The following UQCRB variants were observed in gnomAD, a reference collection of about 807,000 sequenced individuals.
UQCRB encodes the protein ubiquinol-cytochrome c reductase binding protein, also known as cytochrome b-c1 complex subunit 7.
UQCRB carries 12 observed loss-of-function variants against 19.8 expected under a neutral mutation model. The observed-to-expected ratio is 0.61, with a 90% CI of 0.39 to 0.98. UQCRB has a LOEUF of 0.98. Ranked by LOEUF, UQCRB falls within the 50% of genes least tolerant of loss-of-function variation. The pLI, the probability that UQCRB is intolerant of heterozygous loss-of-function variation, is 0.00. For synonymous variants in UQCRB, 39 were observed against 42.9 expected (o/e 0.91, Z 0.35); for missense variants, 142 against 131.8 (o/e 1.08, Z -0.38).
Position 96,228,786 on chromosome 8 carries a change from A to G in UQCRB, c.*2269T>C, listed in dbSNP as rs559792281. On this transcript the variant is annotated 3_prime_UTR_variant, in exon 4 of 4. Coordinates refer to ENST00000287022, the MANE Select transcript of UQCRB (RefSeq NM_006294.5). The stretch of plus-strand genomic sequence containing the variant: ...TGAGCAAATAGATTCAGACCTGTGC[A>G]GTCTAACCCAGAATTAGCTCTGAAT... 2 of 454,012 alleles carry G rather than the reference A, an allele frequency of 4.4e-6. No homozygotes were observed. The highest frequency in any genetic ancestry group is 2.0e-5 in the African/African-American group (1 of 50,006). The allele number at this position is 454,012 out of a possible 1,614,324, so 28.1% of individuals were successfully genotyped here.
rs1312999617 is a variant in UQCRB at position 96,227,944 on chromosome 8, A to G, written c.*3111T>C. 12 of 454,018 alleles carry G rather than the reference A, an allele frequency of 2.6e-5. No individual in the cohort carries two copies. The highest frequency in any genetic ancestry group is 4.9e-5 in the Non-Finnish European group (11 of 226,800). 28.1% of individuals were successfully genotyped at this position (454,018 alleles called of 1,614,324 possible). A position where few individuals can be genotyped will look rare whatever the true frequency, so the allele number is the denominator to read the frequency against. On this transcript the variant is annotated 3_prime_UTR_variant, in exon 4 of 4. Transcript: ENST00000287022. ...GGTACCACTCGTAGAGCGTCACATA[A>G]ATATTCAGACCATGATAACTCAGTG...
At chr8:96,235,100 T>C (rs1809776192) in intron 1 of UQCRB, 2 of 298,008 alleles carry the variant, frequency 6.7e-6, no homozygotes, top group South Asian at 3.5e-5. Flanking sequence ...CTCGTCGCAA[T>C]GGCAAGAAAA....
rs2129783897 is a variant in UQCRB, at chr8:96,228,374, C to T, written c.*2681G>A. 1 of 454,112 alleles carries T rather than the reference C, an allele frequency of 2.2e-6. No individual in the cohort carries two copies. Among genetic ancestry groups the T allele is most frequent in the Non-Finnish European group, 4.4e-6 (1 of 226,782 alleles). 28.1% of individuals were successfully genotyped at this position (454,112 alleles called of 1,614,324 possible). A position where few individuals can be genotyped will look rare whatever the true frequency, so the allele number is the denominator to read the frequency against. On this transcript the variant is annotated 3_prime_UTR_variant, in exon 4 of 4. Transcript: ENST00000287022. Reference sequence around the variant, plus strand: ...AAACAGGGAGATAGCCAAGTCTTAGCTCCATCCTAATCAAAGCTGTCATGC... The same window carrying T: ...AAACAGGGAGATAGCCAAGTCTTAGTTCCATCCTAATCAAAGCTGTCATGC...
chr8:96,233,836 T>C (rs1220151336), intron 1 of UQCRB: 4 of 152,816 alleles, frequency 2.6e-5, no homozygotes, highest in Non-Finnish European at 5.8e-5. Context: ...TTTGATACCA[T>C]TAGTCATTTA....
chr8:96,235,425 C>T (rs1205251479), intron 1 of UQCRB, 87 bp downstream of exon 1: 9 of 1,594,652 alleles, frequency 5.6e-6, no homozygotes, highest in Non-Finnish European at 7.7e-6. Context: ...TGGCCACTTA[C>T]AAAGAAGAGA....
At position 96,229,072 on chromosome 8, in the gene UQCRB, C is replaced by T. The variant is rs1426549191; in HGVS notation, c.*1983G>A. The stretch of plus-strand genomic sequence containing the variant: ...TCTTCATAACAAGCAGGACGATAAC[C>T]ATAATTTATAATGAACACAAAACAT... On this transcript the variant is annotated 3_prime_UTR_variant, in exon 4 of 4. Coordinates refer to ENST00000287022, the MANE Select transcript of UQCRB (RefSeq NM_006294.5). The T allele has an allele frequency of 6.6e-6, 3 of 453,960 alleles. No individual in the cohort carries two copies. Among genetic ancestry groups the T allele is most frequent in the Non-Finnish European group, 1.3e-5 (3 of 226,762 alleles). 28.1% of individuals were successfully genotyped at this position (453,960 alleles called of 1,614,324 possible). A position where few individuals can be genotyped will look rare whatever the true frequency, so the allele number is the denominator to read the frequency against.
At position 96,226,896 on chromosome 8, in the gene UQCRB, A is replaced by T. The variant is rs1376681680; in HGVS notation, c.*4159T>A. On this transcript the variant is annotated 3_prime_UTR_variant, in exon 4 of 4. Coordinates refer to ENST00000287022, the MANE Select transcript of UQCRB (RefSeq NM_006294.5). ...CTATGCTAAAAATTAACCACCGTATAATGATTCAGTTCTTCTTTCTTGCTC... is the reference window on the plus strand; with the variant it reads ...CTATGCTAAAAATTAACCACCGTATTATGATTCAGTTCTTCTTTCTTGCTC... 3 of 453,902 alleles carry T rather than the reference A, an allele frequency of 6.6e-6. No individual in the cohort carries two copies. The highest frequency in any genetic ancestry group is 6.9e-4 in the Middle Eastern group (1 of 1,444). 28.1% of individuals were successfully genotyped at this position (453,902 alleles called of 1,614,324 possible).
In UQCRB at chr8:96,231,129, T is replaced by C. The variant is rs1366555836; in HGVS notation, c.262A>G (p.Asn88Asp). 6.2e-7 allele frequency: 1 copy of C among 1,614,118 alleles called. No individual in the cohort carries two copies. The highest frequency in any genetic ancestry group is 1.7e-5 in the Admixed American group (1 of 60,026). ...KEQWTKYEEE[N>D]FYLEPYLKEV... is the part of the protein sequence containing the mutation. ...TTCAGATACGGTTCAAGGTAGAAAT[T>C]TTCCTAAAGAATGAATGAAATATTA... Residue 88 changes from asparagine (N) to aspartate (D), a missense_variant, in exon 4 of 4, where the codon AAT becomes GAT. Asn to Asp is a conservative substitution (Grantham distance 23). Transcript: ENST00000287022.
intron 1 of UQCRB, 34 bp downstream of exon 1, chr8:96,235,478 A>G (rs1809789564): frequency 6.2e-7 from 1 of 1,614,232 alleles, no homozygotes; most frequent in Non-Finnish European, 8.5e-7. Context: ...GTGAAGCGCG[A>G]CGATGCCGGC....
chr8:96,233,088 GAAAAACAAAAAA>G, intron 2 of UQCRB, 56 bp downstream of exon 2: 1 of 1,512,764 alleles, frequency 6.6e-7, no homozygotes. Flanking sequence ...AATACTCTCA[GAAAAACAAAAAA>G]AAAAACAAAG....
At position 96,224,810 on chromosome 8, in the gene UQCRB, G is replaced by A. The variant is rs1378802255; in HGVS notation, c.*6245C>T. Among the ~76,000 whole-genome samples the A allele has an allele frequency of 7.2e-5, 11 of 152,140 alleles. No homozygotes were observed. Among genetic ancestry groups the A allele is most frequent in the African/African-American group, 2.7e-4 (11 of 41,422 alleles). On this transcript the variant is annotated 3_prime_UTR_variant, in exon 4 of 4. Coordinates refer to ENST00000287022, the MANE Select transcript of UQCRB (RefSeq NM_006294.5). ...AAAAGTACTGGATGAAACCTTGCTG[G>A]ATATTTATGAAAACTTGGAGTAAAG...
chr8:96,235,490 A>G, intron 1 of UQCRB, 22 bp downstream of exon 1: 1 of 1,614,228 alleles, frequency 6.2e-7, no homozygotes, highest in Non-Finnish European at 8.5e-7. Flanking sequence ...GATGCCGGCC[A>G]AGAAGACCCC....
rs1488440222 is a variant in UQCRB, at chr8:96,223,778, G to A, written c.*7277C>T. ...AAAACAGGAGGAAAGAGAACACAAT[G>A]TTTTCAGAATGGACAAACCTTCTGT... is the stretch of plus-strand genomic sequence containing the variant. On this transcript the variant is annotated 3_prime_UTR_variant, in exon 4 of 4. Transcript: ENST00000287022. 2.0e-5 allele frequency among the ~76,000 whole-genome samples: 3 copies of A among 152,180 alleles called. No individual in the cohort carries two copies. Among genetic ancestry groups the A allele is most frequent in the African/African-American group, 7.2e-5 (3 of 41,444 alleles).
In UQCRB at chr8:96,227,896, A is replaced by G. The variant is rs1430149966; in HGVS notation, c.*3159T>C. Reference sequence around the variant, plus strand: ...AAAAACAGGAAAAGGTGCCATTAGTAAAAACTCCATCACTAACATTTTGGT... The same window carrying G: ...AAAAACAGGAAAAGGTGCCATTAGTGAAAACTCCATCACTAACATTTTGGT... On this transcript the variant is annotated 3_prime_UTR_variant, in exon 4 of 4. Transcript: ENST00000287022. 2.2e-6 allele frequency: 1 copy of G among 454,164 alleles called. No individual in the cohort carries two copies. 28.1% of individuals were successfully genotyped at this position (454,164 alleles called of 1,614,324 possible).
rs1016069346 is a variant in UQCRB at position 96,227,685 on chromosome 8, A to G, written c.*3370T>C. 1 of 453,426 alleles carries G rather than the reference A, an allele frequency of 2.2e-6. No individual in the cohort carries two copies. The allele number at this position is 453,426 out of a possible 1,614,324, so 28.1% of individuals were successfully genotyped here. ...CACACAGGATGCCCATATTTTTAAA[A>G]CTCCATCCTATTTGTGAAGGATTAT... is the stretch of plus-strand genomic sequence containing the variant. On this transcript the variant is annotated 3_prime_UTR_variant, in exon 4 of 4. Transcript: ENST00000287022.
intron 2 of UQCRB, 109 bp downstream of exon 2, chr8:96,233,046 GT>G: frequency 1.0e-5 from 10 of 981,884 alleles, no homozygotes; most frequent in South Asian, 1.4e-5. Flanking sequence ...AACTGAAATG[GT>G]TTTTGGAACC....
At chr8:96,232,458 T>C (rs768333970) in intron 2 of UQCRB, 2 of 156,088 alleles carry the variant, frequency 1.3e-5, no homozygotes, top group Non-Finnish European at 2.8e-5. Flanking sequence ...TAAAAAAGCT[T>C]AGGAATCATA....
In UQCRB at chr8:96,234,519, G is replaced by C. The variant is rs1267216530; in HGVS notation, c.19+993C>G. ...GCACAGAAGCAGTGTCTTGAATTTA[G>C]TAAGACTCCTTCAATATCTGCCAAA... On this transcript the variant is annotated intron_variant, in intron 1 of 3. Coordinates refer to ENST00000287022, the MANE Select transcript of UQCRB (RefSeq NM_006294.5). 9.3e-6 allele frequency: 12 copies of C among 1,287,676 alleles called. No individual in the cohort carries two copies. In the East Asian group the frequency reaches 6.7e-4, roughly 71 times the overall value. 79.8% of individuals were successfully genotyped at this position (1,287,676 alleles called of 1,614,324 possible). A position where few individuals can be genotyped will look rare whatever the true frequency, so the allele number is the denominator to read the frequency against.
In UQCRB at chr8:96,229,976, C is replaced by T. The variant is rs762776552; in HGVS notation, c.*1079G>A. On this transcript the variant is annotated 3_prime_UTR_variant, in exon 4 of 4. Transcript: ENST00000287022. Reference sequence around the variant, plus strand: ...GACTTGTCCTGGAAAACCAGGGAGGCTGCAGGTCCTACTGTTCCTTCTCTA... The same window carrying T: ...GACTTGTCCTGGAAAACCAGGGAGGTTGCAGGTCCTACTGTTCCTTCTCTA... The T allele has an allele frequency of 6.6e-6, 3 of 454,146 alleles. No homozygotes were observed. Among genetic ancestry groups the T allele is most frequent in the Non-Finnish European group, 1.3e-5 (3 of 226,808 alleles). 28.1% of individuals were successfully genotyped at this position (454,146 alleles called of 1,614,324 possible).
Sources: gnomAD v4.1 joint callset for allele counts (sites outside exome capture counted in the v4.1 genomes callset) on GRCh38, gnomAD v4.1.1 for gene constraint, MANE v1.5 for transcripts, NCBI Gene and HGNC (gene_info 2026-07-23, HGNC 2026-07-21) for gene names.